The following RPH3A variants were observed in gnomAD, a reference collection of about 807,000 sequenced individuals.
RPH3A encodes rabphilin-3A.
In RPH3A, 48 loss-of-function variants were observed where a neutral mutation model predicts 102.2. The ratio of observed to expected loss-of-function variants is 0.47; its 90% CI spans 0.37 to 0.60. The LOEUF (loss-of-function observed/expected upper bound fraction) is 0.60, where lower values mean the gene tolerates loss of function less well. Ranked by LOEUF, RPH3A falls within the 20% of genes least tolerant of loss-of-function variation. The pLI, the probability that RPH3A is intolerant of heterozygous loss-of-function variation, is 0.00. For missense variants in RPH3A, 781 were observed against 910.1 expected (o/e 0.86, Z 1.83); for synonymous variants, 310 against 324.3 (o/e 0.96, Z 0.47).
intron 2 of RPH3A, among the ~76,000 whole-genome samples, chr12:112,815,697 G>A (rs1348335035): frequency 6.6e-6 from 1 of 152,126 alleles, no homozygotes; most frequent in Non-Finnish European, 1.5e-5. Context: ...CTGCAGCCTG[G>A]GCCTGAGTGG....
At chr12:112,641,133 C>T (rs1441645255) in intron 1 of RPH3A, among the ~76,000 whole-genome samples, 3 of 152,190 alleles carry the variant, frequency 2.0e-5, no homozygotes, top group Admixed American at 2.0e-4. Context: ...TGCAGCCATA[C>T]GCTAGCATTT....
intron 13 of RPH3A, among the ~76,000 whole-genome samples, chr12:112,877,433 C>CACACACACACACACACGTAT (rs2042826227): frequency 6.6e-6 from 1 of 151,394 alleles, no homozygotes; most frequent in African/African-American, 2.4e-5. Context: ...CACACACACA[C>CACACACACACACACACGTAT]ACACACACAC....
chr12:112,880,932 C>T (rs943131442), intron 14 of RPH3A, among the ~76,000 whole-genome samples: 3 of 152,090 alleles, frequency 2.0e-5, no homozygotes, highest in African/African-American at 7.2e-5. Context: ...AGGTCTTCAT[C>T]CTCATGGTCT....
intron 1 of RPH3A, among the ~76,000 whole-genome samples, chr12:112,670,676 G>T (rs1233342535): frequency 6.6e-6 from 1 of 152,156 alleles, no homozygotes; most frequent in East Asian, 1.9e-4. Context: ...TCAGCTGGGG[G>T]CTAGGTGATA....
chr12:112,752,243 C>A (rs910786961), intron 1 of RPH3A, among the ~76,000 whole-genome samples: 1 of 152,094 alleles, frequency 6.6e-6, no homozygotes, highest in Non-Finnish European at 1.5e-5. Flanking sequence ...ATGTAAGATT[C>A]GTTTTCACTA....
chr12:112,677,183 C>G (rs2040181256), intron 1 of RPH3A, among the ~76,000 whole-genome samples: 2 of 152,178 alleles, frequency 1.3e-5, no homozygotes, highest in Admixed American at 6.5e-5. Context: ...TCAAAGCCCT[C>G]TTGTGGAACA....
At chr12:112,685,825 G>T (rs1176655392) in intron 1 of RPH3A, among the ~76,000 whole-genome samples, 2 of 152,246 alleles carry the variant, frequency 1.3e-5, no homozygotes, top group Non-Finnish European at 2.9e-5. Flanking sequence ...GATGATTTCT[G>T]GTTACCTCTC....
At chr12:112,651,501 A>G (rs1013018689) in intron 1 of RPH3A, among the ~76,000 whole-genome samples, 1 of 152,238 alleles carries the variant, frequency 6.6e-6, no homozygotes, top group African/African-American at 2.4e-5. Context: ...TTTGCTTGTG[A>G]GTTCTATAGA....
intron 1 of RPH3A, among the ~76,000 whole-genome samples, chr12:112,757,003 A>G (rs930164774): frequency 6.6e-6 from 1 of 152,182 alleles, no homozygotes; most frequent in Non-Finnish European, 1.5e-5. Context: ...GCATCTTTTC[A>G]AATGCGTACG....
intron 19 of RPH3A, among the ~76,000 whole-genome samples, chr12:112,892,357 ACCC>A (rs1187335167): frequency 6.6e-6 from 1 of 152,174 alleles, no homozygotes; most frequent in Non-Finnish European, 1.5e-5. Context: ...TCCAGAGGGG[ACCC>A]ATAGAGACCA....
chr12:112,611,622 A>G (rs2039639446), intron 1 of RPH3A, among the ~76,000 whole-genome samples: 1 of 151,982 alleles, frequency 6.6e-6, no homozygotes, highest in Non-Finnish European at 1.5e-5. Flanking sequence ...TATTTTTGGT[A>G]GAGATTGGGA....
At chr12:112,829,135 T>C (rs960055225) in intron 3 of RPH3A, among the ~76,000 whole-genome samples, 8 of 152,228 alleles carry the variant, frequency 5.3e-5, no homozygotes, top group Admixed American at 2.6e-4. Context: ...CTTCTGTCGA[T>C]CTTATATTAG....
chr12:112,666,137 G>A (rs1431552896), intron 1 of RPH3A, among the ~76,000 whole-genome samples: 1 of 152,186 alleles, frequency 6.6e-6, no homozygotes, highest in Non-Finnish European at 1.5e-5. Context: ...TGGGAGTCAG[G>A]TTCTGCAGAT....
intron 1 of RPH3A, among the ~76,000 whole-genome samples, chr12:112,689,457 A>T (rs1164935353): frequency 6.6e-6 from 1 of 152,350 alleles, no homozygotes; most frequent in African/African-American, 2.4e-5. Context: ...GTATATATTC[A>T]AAGCTAAATA....
chr12:112,830,471 G>A (rs779597153), intron 3 of RPH3A, among the ~76,000 whole-genome samples: 1 of 152,132 alleles, frequency 6.6e-6, no homozygotes, highest in African/African-American at 2.4e-5. Context: ...TGCTCAATGA[G>A]TACATAAGAA....
At chr12:112,654,136 C>T (rs1457368796) in intron 1 of RPH3A, among the ~76,000 whole-genome samples, 1 of 152,214 alleles carries the variant, frequency 6.6e-6, no homozygotes, top group East Asian at 1.9e-4. Context: ...CTGGCTGAGG[C>T]TCTTGAGGAG....
chr12:112,819,526 T>C (rs1432712953), intron 2 of RPH3A, among the ~76,000 whole-genome samples: 1 of 152,226 alleles, frequency 6.6e-6, no homozygotes, highest in Non-Finnish European at 1.5e-5. Context: ...CCAGCAATTG[T>C]CTCACTGCAA....
At chr12:112,765,563 C>T (rs941443383) in intron 1 of RPH3A, among the ~76,000 whole-genome samples, 10 of 152,092 alleles carry the variant, frequency 6.6e-5, no homozygotes, top group Non-Finnish European at 1.0e-4. Flanking sequence ...GCATAAGGGC[C>T]TTAGCATTTC....
intron 1 of RPH3A, among the ~76,000 whole-genome samples, chr12:112,765,892 A>G (rs1460011392): frequency 1.3e-5 from 2 of 152,188 alleles, no homozygotes; most frequent in Admixed American, 1.3e-4. Flanking sequence ...GGAAACCAGG[A>G]AAACCTTTTA....
Sources: gnomAD v4.1 joint callset for allele counts (sites outside exome capture counted in the v4.1 genomes callset) on GRCh38, gnomAD v4.1.1 for gene constraint, MANE v1.5 for transcripts, NCBI Gene and HGNC (gene_info 2026-07-23, HGNC 2026-07-21) for gene names.